Variants in NCALD observed in about 807,000 individuals in gnomAD.
NCALD encodes the protein neurocalcin delta.
A neutral mutation model predicts 18.6 loss-of-function variants in NCALD; 10 were observed. That is an observed-to-expected ratio of 0.54 (90% CI 0.33 to 0.91). The LOEUF (loss-of-function observed/expected upper bound fraction) is 0.91, where lower values mean the gene tolerates loss of function less well. Among genes scored for constraint, NCALD ranks in the 40% least tolerant of loss-of-function variants. NCALD has a pLI of 0.03. For missense variants in NCALD, 184 were observed against 247.6 expected (o/e 0.74, Z 1.72); for synonymous variants, 88 against 87.4 (o/e 1.01, Z -0.04).
chr8:101,903,397 G>A (rs1341463806), intron 3 of NCALD, among the ~76,000 whole-genome samples: 2 of 151,874 alleles, frequency 1.3e-5, no homozygotes, highest in South Asian at 2.1e-4. Context: ...GAGTTTCACC[G>A]TGTTGGCCAG....
chr8:101,711,967 C>T (rs185101262), intron 2 of NCALD, among the ~76,000 whole-genome samples: 3 of 152,190 alleles, frequency 2.0e-5, no homozygotes, highest in African/African-American at 4.8e-5. Flanking sequence ...GGCACATAAT[C>T]GTCAGATTCA....
intron 1 of NCALD, among the ~76,000 whole-genome samples, chr8:102,037,094 C>G (rs1822894501): frequency 6.6e-6 from 1 of 152,038 alleles, no homozygotes; most frequent in African/African-American, 2.4e-5. Context: ...ATTACATCTC[C>G]CTCAGAAGAT....
At chr8:102,002,098 C>G (rs926146976) in intron 2 of NCALD, among the ~76,000 whole-genome samples, 131 of 152,268 alleles carry the variant, frequency 8.6e-4, no homozygotes, top group Non-Finnish European at 1.6e-3. Flanking sequence ...GATAAAGAGT[C>G]AAGACCCATC....
intron 1 of NCALD, among the ~76,000 whole-genome samples, chr8:101,742,838 C>T (rs1381308108): frequency 6.6e-6 from 1 of 152,080 alleles, no homozygotes; most frequent in Non-Finnish European, 1.5e-5. Context: ...AACCCCTGGA[C>T]AGGCCCCAAT....
rs145967718 is a variant in NCALD at position 101,764,805 on chromosome 8, T to C, written c.-20+26057A>G. 3.6e-3 allele frequency among the ~76,000 whole-genome samples: 545 copies of C among 152,306 alleles called. 3 individuals carry two copies. Among genetic ancestry groups the C allele is most frequent in the African/African-American group, 0.012 (504 of 41,574 alleles). On this transcript the variant is annotated intron_variant, in intron 1 of 3. Coordinates refer to ENST00000220931, the MANE Select transcript of NCALD (RefSeq NM_032041.3). ...ATGTAGACATTAACATCTTTATCTT[T>C]CATGCAGGGAAACAGATGCTGAAAG...
chr8:102,041,431 C>A lies in NCALD; in HGVS notation c.-209-21142G>T, dbSNP rs965421301. Among the ~76,000 whole-genome samples the A allele has an allele frequency of 2.6e-5, 4 of 152,348 alleles. No homozygotes were observed. In the South Asian group the frequency reaches 6.2e-4, roughly 24 times the overall value. ...CCAAGAAGTGAAGCCCAAATGCCTG[C>A]AGGATGTGTGCAGTTAGCATGCAGG... On this transcript the variant is annotated intron_variant, in intron 1 of 6. Coordinates refer to the NCALD transcript ENST00000311028.
At chr8:101,729,361 T>A (rs1394934375) in intron 1 of NCALD, among the ~76,000 whole-genome samples, 1 of 152,214 alleles carries the variant, frequency 6.6e-6, no homozygotes, top group Non-Finnish European at 1.5e-5. Flanking sequence ...CAAAGAATAT[T>A]CTCTCCTCTC....
chr8:101,796,362 A>T (rs913837953), intron 4 of NCALD, among the ~76,000 whole-genome samples: 3 of 152,230 alleles, frequency 2.0e-5, no homozygotes, highest in Non-Finnish European at 4.4e-5. Context: ...AGGAAAAAAT[A>T]GGCAATATAG....
chr8:101,821,530 G>A (rs762757092), intron 4 of NCALD, among the ~76,000 whole-genome samples: 19 of 152,148 alleles, frequency 1.2e-4, no homozygotes, highest in Non-Finnish European at 1.8e-4. Context: ...CATGAAGGAC[G>A]CAGAGCCTTC....
At chr8:101,713,502 TG>T (rs201963501) in intron 2 of NCALD, among the ~76,000 whole-genome samples, 212 of 143,642 alleles carry the variant, frequency 1.5e-3, no homozygotes, top group African/African-American at 4.1e-3. Flanking sequence ...TGTTTTTTTT[TG>T]AAAAGATTAA....
intron 2 of NCALD, among the ~76,000 whole-genome samples, chr8:101,968,536 C>T (rs753690795): frequency 1.3e-5 from 2 of 152,290 alleles, no homozygotes; most frequent in Admixed American, 1.3e-4. Flanking sequence ...GCTCTGCTGT[C>T]ACACCTGAGT....
rs1249507846 is a variant in NCALD at position 101,893,389 on chromosome 8, G to A, written c.-106-6162C>T. 4.6e-5 allele frequency among the ~76,000 whole-genome samples: 7 copies of A among 150,916 alleles called. No homozygotes were observed. The East Asian group carries it at 1.2e-3, about 25-fold the overall frequency. On this transcript the variant is annotated intron_variant, in intron 3 of 6. Transcript: ENST00000311028. ...CGCTAAACATGGAAAGGAACAACCAGTACCAGCCACTGCAAAATCATGCCA... is the reference window on the plus strand; with the variant it reads ...CGCTAAACATGGAAAGGAACAACCAATACCAGCCACTGCAAAATCATGCCA...
chr8:101,735,704 T>A (rs1193370009), intron 1 of NCALD, among the ~76,000 whole-genome samples: 1 of 152,228 alleles, frequency 6.6e-6, no homozygotes, highest in Non-Finnish European at 1.5e-5. Flanking sequence ...ACTGAGTATA[T>A]TATCCCCTCC....
At chr8:102,008,909 C>T (rs1052088330) in intron 2 of NCALD, among the ~76,000 whole-genome samples, 5 of 109,296 alleles carry the variant, frequency 4.6e-5, no homozygotes, top group African/African-American at 6.9e-5. Context: ...CCTCCACCCC[C>T]GCCCCCCTAC....
At chr8:101,737,664 T>C (rs1809986375) in intron 1 of NCALD, among the ~76,000 whole-genome samples, 1 of 152,220 alleles carries the variant, frequency 6.6e-6, no homozygotes, top group South Asian at 2.1e-4. Context: ...TCCCAAAAGT[T>C]AACATTAAAA....
upstream of NCALD, among the ~76,000 whole-genome samples, chr8:101,792,379 T>A (rs1812478689): frequency 6.6e-6 from 1 of 152,228 alleles, no homozygotes; most frequent in African/African-American, 2.4e-5. Context: ...CTTTTCATCT[T>A]CCTTTATTTC....
In NCALD at chr8:101,746,302, C is replaced by T. The variant is rs532473629; in HGVS notation, c.-19-26654G>A. Among the ~76,000 whole-genome samples, 3 of 152,228 alleles carry T rather than the reference C, an allele frequency of 2.0e-5. No individual in the cohort carries two copies. The East Asian group carries it at 5.8e-4, about 29-fold the overall frequency. On this transcript the variant is annotated intron_variant, in intron 1 of 3. Transcript: ENST00000220931. ...TCTGTCACTTACTAGTTAGGTGACC[C>T]TGGGCAAGTCATTTAATCTGCTGTA...
At chr8:101,995,163 A>T (rs138689626) in intron 2 of NCALD, among the ~76,000 whole-genome samples, 2 of 152,338 alleles carry the variant, frequency 1.3e-5, no homozygotes, top group East Asian at 3.9e-4. Flanking sequence ...GAACTCTGTC[A>T]TTATCCTTCT....
intron 4 of NCALD, among the ~76,000 whole-genome samples, chr8:101,877,798 G>A (rs1170791330): frequency 6.6e-6 from 1 of 152,096 alleles, no homozygotes; most frequent in Admixed American, 6.5e-5. Flanking sequence ...AGTACTTAGA[G>A]CAGTGCCTCC....
Sources: allele counts gnomAD v4.1 joint callset (sites outside exome capture counted in the v4.1 genomes callset), GRCh38; gene constraint gnomAD v4.1.1; transcripts MANE v1.5; gene names NCBI Gene and HGNC (gene_info 2026-07-23, HGNC 2026-07-21).